ENO1: variants seen among roughly 807,000 people sequenced by gnomAD.
The protein encoded by ENO1 is alpha-enolase.
Under a neutral mutation model 46.3 loss-of-function variants are expected in ENO1, and 33 were observed. That is an observed-to-expected ratio of 0.71 (90% CI 0.54 to 0.95). The LOEUF is 0.95. Among genes scored for constraint, ENO1 ranks in the 40% least tolerant of loss-of-function variants. ENO1 has a pLI of 0.00. For missense variants in ENO1, 488 were observed against 553.3 expected (o/e 0.88, Z 1.18); for synonymous variants, 220 against 216.0 (o/e 1.02, Z -0.16).
rs1032200177 is a variant in ENO1, at chr1:8,875,297, TAAGAAAA to T, written c.-9-387_-9-381del. On this transcript the variant is annotated intron_variant, in intron 1 of 11. Coordinates refer to ENST00000234590, the MANE Select transcript of ENO1 (RefSeq NM_001428.5). ...CCCTAGCAATTGAGGTCTTGTTCTGTAAGAAAAAAGAAAAAAAAAAAAAGAGAGAGAA... is the reference window on the plus strand; with the variant it reads ...CCCTAGCAATTGAGGTCTTGTTCTGTAAGAAAAAAAAAAAAAGAGAGAGAA... Among the ~76,000 whole-genome samples, 31 of 143,066 alleles carry T rather than the reference TAAGAAAA, an allele frequency of 2.2e-4. 1 individual carries two copies. Among genetic ancestry groups the T allele is most frequent in the African/African-American group, 6.9e-4 (26 of 37,770 alleles). The allele number at this position is 143,066 out of a possible 152,430, so 93.9% of individuals were successfully genotyped here.
At chr1:8,875,396 C>T (rs29000596) in intron 1 of ENO1, among the ~76,000 whole-genome samples, 154 of 151,718 alleles carry the variant, frequency 1.0e-3, no homozygotes, top group African/African-American at 3.5e-3. Context: ...TGTTGCTCGA[C>T]GCAGAGTGGC....
chr1:8,873,230 T>C (rs1386808139), intron 2 of ENO1, among the ~76,000 whole-genome samples: 1 of 152,054 alleles, frequency 6.6e-6, no homozygotes, highest in Non-Finnish European at 1.5e-5. Context: ...ATGCTGACAA[T>C]GGGGGGGCTG....
At chr1:8,869,933 C>G (rs1352017763) in intron 4 of ENO1, among the ~76,000 whole-genome samples, 2 of 152,140 alleles carry the variant, frequency 1.3e-5, no homozygotes, top group African/African-American at 4.8e-5. Flanking sequence ...GAGGGACGGG[C>G]CGAAGGGAGG....
intron 8 of ENO1, among the ~76,000 whole-genome samples, chr1:8,865,039 T>C (rs1569897928): frequency 6.6e-6 from 1 of 152,216 alleles, no homozygotes; most frequent in Non-Finnish European, 1.5e-5. Context: ...TGCTCCTGAC[T>C]GTGAACAACT....
chr1:8,865,192 C>G (rs1457606458), intron 8 of ENO1, 93 bp downstream of exon 8: 11 of 1,492,370 alleles, frequency 7.4e-6, no homozygotes, highest in Non-Finnish European at 1.0e-5. Context: ...TCCCCATCCC[C>G]TCCTTGCAGC....
chr1:8,871,193 C>T, intron 3 of ENO1: 1 of 1,069,702 alleles, frequency 9.3e-7, no homozygotes, highest in Non-Finnish European at 1.1e-6. Context: ...CACTGCGACA[C>T]CAGCCCAGTG....
At chr1:8,863,007 G>C (rs1389938215) in intron 10 of ENO1, 62 bp from the exon 11 acceptor site, 14 of 1,591,088 alleles carry the variant, frequency 8.8e-6, no homozygotes, top group Non-Finnish European at 1.2e-5. Flanking sequence ...TTCTGGCAGG[G>C]AGAGGGTGTG....
In ENO1 at chr1:8,867,159, G is replaced by A. The variant is rs369611743; in HGVS notation, c.402C>T (p.Ile134=). 4.3e-6 allele frequency: 7 copies of A among 1,614,056 alleles called. No individual in the cohort carries two copies. Among genetic ancestry groups the A allele is most frequent in the African/African-American group, 4.0e-5 (3 of 74,936 alleles). Residue 134 remains isoleucine (I), a synonymous_variant, in exon 6 of 12, where the codon ATC becomes ATT. Transcript: ENST00000234590. The part of the protein sequence containing the change: ...VEKGVPLYRH[I]ADLAGNSEVI... ...CTTCAGAGTTGCCAGCCAAGTCAGC[G>A]ATGTGGCGGTACAGGGGGACCCCCT...
At chr1:8,866,690 G>A in intron 6 of ENO1, 189 bp from the exon 7 acceptor site, 2 of 642,334 alleles carry the variant, frequency 3.1e-6, no homozygotes, top group Non-Finnish European at 5.3e-6. Flanking sequence ...TTAGAGACAG[G>A]GTTTCACTAT....
At chr1:8,871,398 C>T in intron 3 of ENO1, 1 of 995,200 alleles carries the variant, frequency 1.0e-6, no homozygotes, top group Non-Finnish European at 1.2e-6. Flanking sequence ...TGCCACAGAG[C>T]AGGGCTCCTA....
chr1:8,863,246 A>G lies in ENO1; in HGVS notation c.1165T>C (p.Cys389Arg). Residue 389 changes from cysteine to arginine, a missense_variant, in exon 10 of 12, where the codon TGC becomes CGC. Cys to Arg is a radical substitution (Grantham distance 180). Transcript: ENST00000234590. ...TFIADLVVGL[C>R]TGQIKTGAPC... Reference sequence around the variant, plus strand: ...ACGCTCATTCTTACCTGCCCAGTGCACAGCCCCACAACCAGGTCAGCGATG... The same window carrying G: ...ACGCTCATTCTTACCTGCCCAGTGCGCAGCCCCACAACCAGGTCAGCGATG... 1 of 1,614,188 alleles carries G rather than the reference A, an allele frequency of 6.2e-7. No homozygotes were observed.
chr1:8,868,272 A>C (rs1642564765), intron 4 of ENO1, among the ~76,000 whole-genome samples: 1 of 152,106 alleles, frequency 6.6e-6, no homozygotes, highest in Non-Finnish European at 1.5e-5. Context: ...TCACCCAACA[A>C]TGCAACAGAG....
intron 6 of ENO1, chr1:8,866,737 G>GT (rs1642527288): frequency 1.7e-6 from 1 of 595,716 alleles, no homozygotes; most frequent in Admixed American, 3.0e-5. Flanking sequence ...AAACTCTTGG[G>GT]TTTAAGTGAT....
intron 2 of ENO1, 123 bp from the exon 3 acceptor site, chr1:8,872,109 T>G: frequency 1.3e-6 from 1 of 764,742 alleles, no homozygotes; most frequent in Non-Finnish European, 2.2e-6. Context: ...CTACCAGCTG[T>G]GTGAATTAAA....
intron 5 of ENO1, 75 bp from the exon 6 acceptor site, chr1:8,867,325 G>A: frequency 3.2e-6 from 5 of 1,582,114 alleles, no homozygotes; most frequent in Non-Finnish European, 4.3e-6. Flanking sequence ...ACTGCCCTGA[G>A]GGTTGTATTC....
intron 4 of ENO1, among the ~76,000 whole-genome samples, chr1:8,869,584 G>A (rs1018370004): frequency 1.3e-5 from 2 of 152,136 alleles, no homozygotes; most frequent in South Asian, 4.1e-4. Context: ...TTTTGAGACA[G>A]AGTCTCACTC....
intron 1 of ENO1, among the ~76,000 whole-genome samples, chr1:8,875,487 C>CATGA (rs1642716710): frequency 6.6e-6 from 1 of 152,124 alleles, no homozygotes; most frequent in African/African-American, 2.4e-5. Context: ...CAAGAACAGA[C>CATGA]ATGAAGGTCA....
intron 2 of ENO1, 95 bp from the exon 3 acceptor site, chr1:8,872,081 G>A: frequency 9.6e-7 from 1 of 1,042,900 alleles, no homozygotes; most frequent in South Asian, 1.3e-5. Context: ...TTTGTCATTA[G>A]GGAGCTGTTT....
chr1:8,871,234 C>T (rs1440515463), intron 3 of ENO1: 1 of 1,026,786 alleles, frequency 9.7e-7, no homozygotes, highest in African/African-American at 1.7e-5. Context: ...ATTGTCCCCT[C>T]CCTGCAGCCT....
Sources: gnomAD v4.1 joint callset for allele counts (sites outside exome capture counted in the v4.1 genomes callset) on GRCh38, gnomAD v4.1.1 for gene constraint, MANE v1.5 for transcripts, NCBI Gene and HGNC (gene_info 2026-07-23, HGNC 2026-07-21) for gene names.